Variants in TXNDC9 observed in about 807,000 individuals in gnomAD.
TXNDC9 encodes thioredoxin domain containing 9, also known as thioredoxin domain-containing protein 9.
TXNDC9 carries 7 observed loss-of-function variants against 23.0 expected under a neutral mutation model. The observed-to-expected ratio is 0.30, with a 90% CI of 0.17 to 0.57. The LOEUF (loss-of-function observed/expected upper bound fraction) is 0.57, where lower values mean the gene tolerates loss of function less well. Ranked by LOEUF, TXNDC9 falls within the 20% of genes least tolerant of loss-of-function variation. The probability of loss-of-function intolerance (pLI) is 0.90; values close to 1 mark genes in which losing one functional copy is unlikely to be tolerated. For synonymous variants in TXNDC9, 72 were observed against 90.6 expected, an observed-to-expected ratio of 0.79 and a Z score of 1.17; for missense variants, 198 against 252.6, an observed-to-expected ratio of 0.78 and a Z score of 1.47.
In TXNDC9 at chr2:99,327,592, T is replaced by C. The variant is rs2094215484; in HGVS notation, c.251A>G (p.Gln84Arg). Reference sequence around the variant, plus strand: ...CACATTTTCACTCTCCTTGACTTCTTGAAAAAAGTCTCTTTCACTAGGGAT... The same window carrying C: ...CACATTTTCACTCTCCTTGACTTCTCGAAAAAAGTCTCTTTCACTAGGGAT... ...REIPSERDFF[Q>R]EVKESENVVC... Residue 84 changes from glutamine (Q) to arginine (R), a missense_variant, in exon 3 of 5, where the codon CAA becomes CGA. Coordinates refer to ENST00000264255, the MANE Select transcript of TXNDC9 (RefSeq NM_005783.4). The C allele has an allele frequency of 6.2e-7, 1 of 1,613,824 alleles. No individual in the cohort carries two copies. Among genetic ancestry groups the C allele is most frequent in the Admixed American group, 1.7e-5 (1 of 59,996 alleles).
At chr2:99,310,506 G>A in the TXNDC9 span, among the ~76,000 whole-genome samples, 2 of 152,084 alleles carry the variant, frequency 1.3e-5, no homozygotes, top group African/African-American at 4.8e-5. Flanking sequence ...TAGAATGATT[G>A]GAATCACTAA....
chr2:99,312,379 C>T, the TXNDC9 span, among the ~76,000 whole-genome samples: 1 of 151,808 alleles, frequency 6.6e-6, no homozygotes, highest in African/African-American at 2.4e-5. Context: ...TGCTTGTACT[C>T]CCAGCTACTG....
chr2:99,307,017 T>TCCCTCCCTCCCTCCCTC, the TXNDC9 span, among the ~76,000 whole-genome samples: 1 of 116,544 alleles, frequency 8.6e-6, no homozygotes, highest in East Asian at 2.4e-4. Flanking sequence ...CTCCCTCCCT[T>TCCCTCCCTCCCTCCCTC]CCTTCCTTCC....
chr2:99,327,928 G>A (rs1242644241), intron 2 of TXNDC9, among the ~76,000 whole-genome samples: 1 of 151,682 alleles, frequency 6.6e-6, no homozygotes, highest in East Asian at 1.9e-4. Context: ...GGGACTACAG[G>A]CGGGCACCAG....
chr2:99,324,489 A>G (rs566911010), intron 3 of TXNDC9, among the ~76,000 whole-genome samples: 27 of 152,372 alleles, frequency 1.8e-4, no homozygotes, highest in Admixed American at 4.6e-4. Flanking sequence ...ATAAAGCTCA[A>G]AACAAATGAT....
At chr2:99,307,223 C>T in the TXNDC9 span, among the ~76,000 whole-genome samples, 1 of 150,946 alleles carries the variant, frequency 6.6e-6, no homozygotes, top group South Asian at 2.1e-4. Flanking sequence ...CAAAGTTAAA[C>T]TACAACTAGG....
intron 2 of TXNDC9, among the ~76,000 whole-genome samples, chr2:99,330,314 A>AAAAAAAAAAAAAAAAAAAAAAC (rs2094221902): frequency 7.0e-6 from 1 of 142,432 alleles, no homozygotes; most frequent in African/African-American, 2.5e-5. Flanking sequence ...AAAAAAAAAA[A>AAAAAAAAAAAAAAAAAAAAAAC]AAAAAGCTGC....
downstream of TXNDC9, among the ~76,000 whole-genome samples, chr2:99,314,958 T>C (rs578017528): frequency 3.3e-4 from 47 of 143,268 alleles, no homozygotes; most frequent in South Asian, 0.011. Context: ...TGCAGTGGCA[T>C]GATCTCGGCT....
chr2:99,306,668 A>G, the TXNDC9 span: 13 of 388,088 alleles, frequency 3.3e-5, no homozygotes, highest in South Asian at 2.1e-4. Flanking sequence ...GGGTGTCTGT[A>G]AAATAGCATC....
At chr2:99,309,026 T>A in the TXNDC9 span, among the ~76,000 whole-genome samples, 9 of 151,684 alleles carry the variant, frequency 5.9e-5, 1 homozygote, top group South Asian at 2.1e-4. Context: ...ATTAAAAAAA[T>A]TTAAAAACAT....
intron 1 of TXNDC9, among the ~76,000 whole-genome samples, chr2:99,334,605 G>C (rs948868984): frequency 6.6e-6 from 1 of 152,080 alleles, no homozygotes; most frequent in Non-Finnish European, 1.5e-5. Context: ...CATAGAAAAG[G>C]TACGATAAAT....
chr2:99,334,118 A>G (rs1233495333), intron 1 of TXNDC9, among the ~76,000 whole-genome samples: 1 of 152,230 alleles, frequency 6.6e-6, no homozygotes, highest in Non-Finnish European at 1.5e-5. Flanking sequence ...TGGGAGGCCA[A>G]GGTGGGCAGA....
intron 3 of TXNDC9, 37 bp downstream of exon 3, chr2:99,327,497 GT>G (rs747369555): frequency 1.4e-6 from 2 of 1,434,934 alleles, no homozygotes; most frequent in African/African-American, 1.4e-5. Context: ...AATTCACTGT[GT>G]TTTTTTAGAA....
chr2:99,306,227 G>C, the TXNDC9 span, among the ~76,000 whole-genome samples: 1 of 121,942 alleles, frequency 8.2e-6, no homozygotes, highest in Non-Finnish European at 1.8e-5. Flanking sequence ...AAAAAGGAGA[G>C]ACCAGAGAAT....
At chr2:99,332,190 C>T (rs747009763) in intron 2 of TXNDC9, among the ~76,000 whole-genome samples, 5 of 152,214 alleles carry the variant, frequency 3.3e-5, no homozygotes, top group Non-Finnish European at 7.3e-5. Flanking sequence ...CGCTTGTAAT[C>T]CCATCACTTT....
intron 2 of TXNDC9, among the ~76,000 whole-genome samples, chr2:99,328,828 A>T (rs1434786503): frequency 2.0e-5 from 3 of 151,898 alleles, no homozygotes; most frequent in African/African-American, 7.3e-5. Context: ...AAAAAAAAAA[A>T]AATACAAGAA....
chr2:99,316,124 T>C (rs1024078583), downstream of TXNDC9, among the ~76,000 whole-genome samples: 27 of 151,442 alleles, frequency 1.8e-4, no homozygotes, highest in Middle Eastern at 6.8e-3. Flanking sequence ...TTTCTTTTTT[T>C]TTTTTTTTTG....
chr2:99,308,935 C>G, the TXNDC9 span, among the ~76,000 whole-genome samples: 1 of 151,910 alleles, frequency 6.6e-6, no homozygotes, highest in Non-Finnish European at 1.5e-5. Context: ...ATCTCCTGAC[C>G]TCGTGATCCG....
At chr2:99,313,507 A>G in the TXNDC9 span, among the ~76,000 whole-genome samples, 1 of 152,178 alleles carries the variant, frequency 6.6e-6, no homozygotes, top group African/African-American at 2.4e-5. Flanking sequence ...GTGCAGTGGT[A>G]CATGCCTGTA....
Sources: allele counts gnomAD v4.1 joint callset (sites outside exome capture counted in the v4.1 genomes callset), GRCh38; gene constraint gnomAD v4.1.1; transcripts MANE v1.5; gene names NCBI Gene and HGNC (gene_info 2026-07-23, HGNC 2026-07-21).